ABCG8: variants seen among roughly 807,000 people sequenced by gnomAD.
ABCG8 encodes the protein ATP-binding cassette sub-family G member 8.
ABCG8 carries 81 observed loss-of-function variants against 71.3 expected under a neutral mutation model. The observed-to-expected ratio is 1.14, with a 90% confidence interval of 0.95 to 1.37. The LOEUF (loss-of-function observed/expected upper bound fraction) is 1.37. Ranked by LOEUF, ABCG8 falls within the 40% of genes most tolerant of loss-of-function variation. The pLI, the probability that ABCG8 is intolerant of heterozygous loss-of-function variation, is 0.00. For synonymous variants in ABCG8, 451 were observed against 354.7 expected, an observed-to-expected ratio of 1.27 and a Z score of -3.05; for missense variants, 1,119 against 866.2, an observed-to-expected ratio of 1.29 and a Z score of -3.66.
rs112454707 is a variant in ABCG8, at chr2:43,845,852, C to A, written c.166-303C>A. ...GGCCAGGCTGGTCTCAAACTCCTGA[C>A]CTCAGGTGATCCACCTGCCTCAGCC... On this transcript the variant is annotated intron_variant, in intron 2 of 12. Coordinates refer to ENST00000272286, the MANE Select transcript of ABCG8 (RefSeq NM_022437.3). Among the ~76,000 whole-genome samples the A allele has an allele frequency of 5.1e-3, 779 of 152,074 alleles. 8 individuals are homozygous for A. Among genetic ancestry groups the A allele is most frequent in the African/African-American group, 0.017 (693 of 41,488 alleles).
At chr2:43,875,101 G>T (rs751315919) in intron 10 of ABCG8, 45 bp from the exon 11 acceptor site, 2 of 1,613,692 alleles carry the variant, frequency 1.2e-6, no homozygotes, top group Admixed American at 1.7e-5. Context: ...AATAATGGCA[G>T]TGAAGGTGCT....
rs907185230 is a variant in ABCG8, at chr2:43,874,048, T to A, written c.1411+62T>A. 3.9e-6 allele frequency: 6 copies of A among 1,549,022 alleles called. No individual in the cohort carries two copies. In the African/African-American group the frequency reaches 7.5e-5, roughly 19 times the overall value. On this transcript the variant is annotated intron_variant, in intron 9 of 12. Coordinates refer to ENST00000272286, the MANE Select transcript of ABCG8 (RefSeq NM_022437.3). ...CAGCCACCTCCAAGCTGTGTTCCTC[T>A]GAGCTCCTGGGGAGCGGGTTTGATT... is the stretch of plus-strand genomic sequence containing the variant.
At chr2:43,856,917 C>T (rs917055059) in intron 6 of ABCG8, among the ~76,000 whole-genome samples, 1 of 150,774 alleles carries the variant, frequency 6.6e-6, no homozygotes, top group African/African-American at 2.4e-5. Flanking sequence ...ATAGAATTCT[C>T]ACTATCTGGA....
At position 43,875,047 on chromosome 2, in the gene ABCG8, G is replaced by A. The variant is rs1669911766; in HGVS notation, c.1489-99G>A. ...TGCCACAGCCTCATCATCACCAGGAGGGAAGGTTGCTATCTGGGGGCACTG... is the reference window on the plus strand; with the variant it reads ...TGCCACAGCCTCATCATCACCAGGAAGGAAGGTTGCTATCTGGGGGCACTG... On this transcript the variant is annotated intron_variant, in intron 10 of 12. Transcript: ENST00000272286. The A allele has an allele frequency of 8.4e-6, 13 of 1,541,868 alleles. No homozygotes were observed. The East Asian group carries it at 2.3e-4, about 27-fold the overall frequency.
At chr2:43,865,859 C>G (rs926207232) in intron 6 of ABCG8, among the ~76,000 whole-genome samples, 1 of 151,756 alleles carries the variant, frequency 6.6e-6, no homozygotes, top group African/African-American at 2.4e-5. Flanking sequence ...AATTCTCACT[C>G]TCTGGATAGA....
chr2:43,878,243 A>T lies in ABCG8; in HGVS notation c.*330A>T, dbSNP rs1670027332. 1 of 379,968 alleles carries T rather than the reference A, an allele frequency of 2.6e-6. No individual in the cohort carries two copies. 23.5% of individuals were successfully genotyped at this position (379,968 alleles called of 1,614,324 possible). ...ATAGGATGGGAGCAAACTAGGAATG[A>T]ATTGGGTAGCTAGACTGTGCAGGAA... On this transcript the variant is annotated 3_prime_UTR_variant, in exon 13 of 13. Transcript: ENST00000272286.
chr2:43,855,624 A>C (rs1048400218), intron 6 of ABCG8, among the ~76,000 whole-genome samples: 2 of 151,144 alleles, frequency 1.3e-5, no homozygotes, highest in South Asian at 2.1e-4. Context: ...CTGGATAGAA[A>C]TCTCACTATC....
chr2:43,852,303 A>C (rs1294164718), intron 4 of ABCG8, 51 bp from the exon 5 acceptor site: 1 of 1,611,360 alleles, frequency 6.2e-7, no homozygotes, highest in South Asian at 1.1e-5. Context: ...CAATGTGTCC[A>C]GCCCTGAAGG....
rs185568224 is a variant in ABCG8, at chr2:43,866,400, G to A, written c.965-5576G>A. On this transcript the variant is annotated intron_variant, in intron 6 of 12. Coordinates refer to ENST00000272286, the MANE Select transcript of ABCG8 (RefSeq NM_022437.3). Reference sequence around the variant, plus strand: ...CAGCAAAAGAAACTACCATCAGAGTGAACAGGCAACCCACAAAATAGGAAA... The same window carrying A: ...CAGCAAAAGAAACTACCATCAGAGTAAACAGGCAACCCACAAAATAGGAAA... Among the ~76,000 whole-genome samples, 1,402 of 152,126 alleles carry A rather than the reference G, an allele frequency of 9.2e-3. 30 individuals are homozygous for A. Among genetic ancestry groups the A allele is most frequent in the South Asian group, 0.065 (314 of 4,808 alleles).
intron 3 of ABCG8, chr2:43,846,906 A>C: frequency 5.7e-6 from 1 of 176,654 alleles, no homozygotes; most frequent in East Asian, 1.5e-4. Context: ...CTTTCTCCCT[A>C]CCAGTTTGGA....
chr2:43,846,647 G>C (rs1015708027), intron 3 of ABCG8: 1 of 364,774 alleles, frequency 2.7e-6, no homozygotes, highest in Admixed American at 3.8e-5. Context: ...CTCCAGCCAT[G>C]AGGGGCATTG....
Position 43,879,368 on chromosome 2 carries a change from C to A in ABCG8, c.*1455C>A, listed in dbSNP as rs553059970. On this transcript the variant is annotated 3_prime_UTR_variant, in exon 13 of 13. Coordinates refer to ENST00000272286, the MANE Select transcript of ABCG8 (RefSeq NM_022437.3). ...ATAGGTTCACTAGAGTCTTGCTACTCCAAGTACGATCCCTGGGCCAGCAGA... is the reference window on the plus strand; with the variant it reads ...ATAGGTTCACTAGAGTCTTGCTACTACAAGTACGATCCCTGGGCCAGCAGA... 2 of 152,170 alleles carry A rather than the reference C, an allele frequency of 1.3e-5. No homozygotes were observed. Among genetic ancestry groups the A allele is most frequent in the South Asian group, 2.1e-4 (1 of 4,832 alleles). The allele number at this position is 152,170 out of a possible 1,614,324, so 9.4% of individuals were successfully genotyped here.
chr2:43,864,274 C>A (rs1669441034), intron 6 of ABCG8, among the ~76,000 whole-genome samples: 1 of 151,690 alleles, frequency 6.6e-6, no homozygotes, highest in South Asian at 2.1e-4. Flanking sequence ...CTCTCACTAT[C>A]TATTTTCATA....
chr2:43,839,152 GGGC>G, intron 1 of ABCG8, 36 bp downstream of exon 1: 3 of 1,549,164 alleles, frequency 1.9e-6, no homozygotes, highest in Non-Finnish European at 2.6e-6. Flanking sequence ...CAGGCCTGGT[GGGC>G]GGGTAGGAGA....
At chr2:43,868,415 T>C (rs1361307948) in intron 6 of ABCG8, among the ~76,000 whole-genome samples, 1 of 151,322 alleles carries the variant, frequency 6.6e-6, no homozygotes, top group African/African-American at 2.4e-5. Context: ...ACTATCTTTC[T>C]CGATAGAACT....
rs1416884379 is a variant in ABCG8 at position 43,878,628 on chromosome 2, C to T, written c.*715C>T. The stretch of plus-strand genomic sequence containing the variant: ...TGGGGATCAGAAAAGCCTTTGAGGC[C>T]TTTGGAGTTAGAGGGCAGAAGGCAA... On this transcript the variant is annotated 3_prime_UTR_variant, in exon 13 of 13. Transcript: ENST00000272286. 6.4e-6 allele frequency: 1 copy of T among 156,470 alleles called. No individual in the cohort carries two copies. Among genetic ancestry groups the T allele is most frequent in the Non-Finnish European group, 1.4e-5 (1 of 70,604 alleles). 9.7% of individuals were successfully genotyped at this position (156,470 alleles called of 1,614,324 possible). A position where few individuals can be genotyped will look rare whatever the true frequency, so the allele number is the denominator to read the frequency against.
chr2:43,855,294 C>G (rs1669064906), intron 6 of ABCG8, among the ~76,000 whole-genome samples: 2 of 152,214 alleles, frequency 1.3e-5, no homozygotes, highest in Non-Finnish European at 2.9e-5. Flanking sequence ...CTCTCACTAT[C>G]TATCGAGATA....
chr2:43,846,748 A>G (rs762401121), intron 3 of ABCG8: 3 of 248,444 alleles, frequency 1.2e-5, no homozygotes, highest in Non-Finnish European at 2.4e-5. Context: ...CCAGTGTCTT[A>G]CTTAGCACAA....
chr2:43,854,391 G>T (rs1261768784), intron 6 of ABCG8, among the ~76,000 whole-genome samples: 1 of 152,176 alleles, frequency 6.6e-6, no homozygotes, highest in Non-Finnish European at 1.5e-5. Flanking sequence ...ACTTTCAGAG[G>T]CTGAGGCAGG....
Sources: allele counts gnomAD v4.1 joint callset (sites outside exome capture counted in the v4.1 genomes callset), GRCh38; gene constraint gnomAD v4.1.1; transcripts MANE v1.5; gene names NCBI Gene and HGNC (gene_info 2026-07-23, HGNC 2026-07-21).